The following MGAT4C variants were observed in gnomAD, a reference collection of about 807,000 sequenced individuals.
The protein encoded by MGAT4C is alpha-1,3-mannosyl-glycoprotein 4-beta-N-acetylglucosaminyltransferase C.
MGAT4C carries 19 observed loss-of-function variants against 40.1 expected under a neutral mutation model. The ratio of observed to expected loss-of-function variants is 0.47; its 90% CI spans 0.33 to 0.70. MGAT4C has a LOEUF of 0.70. MGAT4C is among the 30% of genes least tolerant of loss of function. The pLI, the probability that MGAT4C is intolerant of heterozygous loss-of-function variation, is 0.02. For missense variants in MGAT4C, 491 were observed against 563.2 expected, an observed-to-expected ratio of 0.87 and a Z score of 1.30; for synonymous variants, 181 against 187.1, an observed-to-expected ratio of 0.97 and a Z score of 0.27.
At chr12:86,081,582 C>A (rs998018040) in intron 1 of MGAT4C, among the ~76,000 whole-genome samples, 2 of 152,014 alleles carry the variant, frequency 1.3e-5, no homozygotes. Flanking sequence ...CCTAAAATAG[C>A]TTTTGGAACA....
chr12:86,682,883 A>G (rs1287092099), intron 2 of MGAT4C, among the ~76,000 whole-genome samples: 1 of 152,174 alleles, frequency 6.6e-6, no homozygotes, highest in Non-Finnish European at 1.5e-5. Context: ...GCTTGTCTGA[A>G]CAACACTATC....
chr12:86,086,935 T>C (rs1019062500), intron 1 of MGAT4C, among the ~76,000 whole-genome samples: 1 of 152,148 alleles, frequency 6.6e-6, no homozygotes, highest in African/African-American at 2.4e-5. Context: ...TGTTTTCCTA[T>C]GCCTGGTTTG....
intron 2 of MGAT4C, among the ~76,000 whole-genome samples, chr12:86,461,473 C>T (rs1339930270): frequency 6.6e-5 from 10 of 152,062 alleles, no homozygotes; most frequent in African/African-American, 2.4e-4. Context: ...TCTCGATCTC[C>T]TGACCTCATG....
At chr12:86,834,580 G>T (rs1182377392) in intron 1 of MGAT4C, among the ~76,000 whole-genome samples, 3 of 148,352 alleles carry the variant, frequency 2.0e-5, no homozygotes, top group Non-Finnish European at 4.5e-5. Flanking sequence ...AAATGAATAT[G>T]ATGATTACCT....
At chr12:86,774,343 C>CTTTTTCTT (rs1565981678) in intron 1 of MGAT4C, among the ~76,000 whole-genome samples, 2 of 54,498 alleles carry the variant, frequency 3.7e-5, no homozygotes, top group African/African-American at 1.1e-4. Context: ...TTCTTTCTGT[C>CTTTTTCTT]TCTCTCTCTC....
intron 1 of MGAT4C, among the ~76,000 whole-genome samples, chr12:86,778,092 T>A (rs1376618570): frequency 6.6e-6 from 1 of 152,166 alleles, no homozygotes; most frequent in African/African-American, 2.4e-5. Flanking sequence ...TTGGCCTGCA[T>A]CAAGGCCTTT....
At chr12:86,410,360 T>G (rs529728947) in intron 3 of MGAT4C, among the ~76,000 whole-genome samples, 1 of 152,248 alleles carries the variant, frequency 6.6e-6, no homozygotes, top group East Asian at 1.9e-4. Flanking sequence ...CCCCTAGGAA[T>G]GCATTCCTTC....
intron 1 of MGAT4C, among the ~76,000 whole-genome samples, chr12:86,177,567 T>C (rs1308043472): frequency 6.6e-6 from 1 of 152,028 alleles, no homozygotes; most frequent in Non-Finnish European, 1.5e-5. Flanking sequence ...TTTATACATA[T>C]AGAAATCATA....
At chr12:86,742,303 G>A (rs757853199) in intron 1 of MGAT4C, among the ~76,000 whole-genome samples, 3 of 151,390 alleles carry the variant, frequency 2.0e-5, no homozygotes, top group African/African-American at 7.3e-5. Flanking sequence ...TTTCTCAAGT[G>A]CTTGCTGCAT....
chr12:86,563,047 A>C (rs1959942828), intron 2 of MGAT4C, among the ~76,000 whole-genome samples: 1 of 152,042 alleles, frequency 6.6e-6, no homozygotes, highest in Admixed American at 6.6e-5. Flanking sequence ...GCTGGAGAGG[A>C]TTAGTCACTT....
intron 4 of MGAT4C, among the ~76,000 whole-genome samples, chr12:86,299,454 A>G (rs1953759996): frequency 6.6e-6 from 1 of 152,160 alleles, no homozygotes; most frequent in African/African-American, 2.4e-5. Context: ...TGTCTCTTTT[A>G]TATATTGGTA....
intron 2 of MGAT4C, chr12:86,002,469 A>G (rs1185716307): frequency 1.3e-5 from 2 of 152,118 alleles, no homozygotes; most frequent in Non-Finnish European, 2.9e-5. Flanking sequence ...CAGAAACACA[A>G]TGAATAAAAC....
At chr12:86,287,129 G>A (rs910945963) in intron 4 of MGAT4C, among the ~76,000 whole-genome samples, 2 of 151,990 alleles carry the variant, frequency 1.3e-5, no homozygotes, top group African/African-American at 2.4e-5. Context: ...TCAAATGGTA[G>A]TTCCTCTTTG....
intron 2 of MGAT4C, among the ~76,000 whole-genome samples, chr12:86,036,294 A>C (rs1891232542): frequency 6.7e-6 from 1 of 149,912 alleles, no homozygotes; most frequent in Non-Finnish European, 1.5e-5. Flanking sequence ...TTCTTAATTG[A>C]ATAGCCTTTA....
At chr12:86,466,311 G>C (rs60418511) in intron 2 of MGAT4C, among the ~76,000 whole-genome samples, 20 of 152,252 alleles carry the variant, frequency 1.3e-4, no homozygotes, top group Non-Finnish European at 1.2e-4. Context: ...GTAGGTTTAT[G>C]GATAGCTATA....
At chr12:86,506,091 C>A (rs1050847468) in intron 2 of MGAT4C, among the ~76,000 whole-genome samples, 3 of 152,048 alleles carry the variant, frequency 2.0e-5, no homozygotes, top group African/African-American at 7.2e-5. Flanking sequence ...GATCATGTAT[C>A]CAGTGAAAGG....
intron 2 of MGAT4C, among the ~76,000 whole-genome samples, chr12:86,683,674 C>T (rs746210177): frequency 3.3e-5 from 5 of 152,162 alleles, no homozygotes; most frequent in Non-Finnish European, 5.9e-5. Flanking sequence ...CTGACAAAAT[C>T]TTCCTATATT....
chr12:86,762,100 G>A (rs1347832832), intron 1 of MGAT4C, among the ~76,000 whole-genome samples: 17 of 151,474 alleles, frequency 1.1e-4, no homozygotes, highest in Admixed American at 1.1e-3. Flanking sequence ...TGCCCAGGCT[G>A]GAGTGCAGTG....
At chr12:86,178,863 C>G (rs1887780752) in intron 1 of MGAT4C, among the ~76,000 whole-genome samples, 1 of 152,150 alleles carries the variant, frequency 6.6e-6, no homozygotes, top group South Asian at 2.1e-4. Context: ...AACTTCTTGA[C>G]CAATGCCCCT....
Sources: allele counts gnomAD v4.1 joint callset (sites outside exome capture counted in the v4.1 genomes callset), GRCh38; gene constraint gnomAD v4.1.1; transcripts MANE v1.5; gene names NCBI Gene and HGNC (gene_info 2026-07-23, HGNC 2026-07-21).